IFT43: variants seen among roughly 807,000 people sequenced by gnomAD.
IFT43 encodes intraflagellar transport protein 43 homolog.
In IFT43, 33 loss-of-function variants were observed where a neutral mutation model predicts 32.3. That is an observed-to-expected ratio of 1.02 (90% CI 0.77 to 1.37). The LOEUF is 1.37. Among genes scored for constraint, IFT43 ranks in the 40% most tolerant of loss-of-function variants. IFT43 has a pLI of 0.00. For synonymous variants in IFT43, 93 were observed against 98.2 expected (o/e 0.95, Z 0.31); for missense variants, 274 against 265.9 (o/e 1.03, Z -0.21).
chr14:76,076,744 T>G, intron 5 of IFT43: 2 of 1,604,644 alleles, frequency 1.2e-6, no homozygotes, highest in Non-Finnish European at 1.7e-6. Flanking sequence ...TTCTGGGACT[T>G]TGCTAGGTAA....
intron 2 of IFT43, among the ~76,000 whole-genome samples, chr14:76,018,846 T>G (rs891083585): frequency 1.3e-5 from 2 of 152,078 alleles, no homozygotes; most frequent in African/African-American, 2.4e-5. Flanking sequence ...CTTCTCCTGC[T>G]TGCTTTGGGT....
chr14:76,009,006 G>A (rs1321045302), intron 2 of IFT43, among the ~76,000 whole-genome samples: 5 of 152,138 alleles, frequency 3.3e-5, no homozygotes, highest in Admixed American at 6.5e-5. Flanking sequence ...CCTTGAGCCC[G>A]GGAAATAAAT....
intron 2 of IFT43, among the ~76,000 whole-genome samples, chr14:75,991,152 C>A (rs1174900643): frequency 6.6e-6 from 1 of 152,044 alleles, no homozygotes; most frequent in African/African-American, 2.4e-5. Flanking sequence ...CCAGCCTGGG[C>A]AACCTTGTCT....
At position 76,083,496 on chromosome 14, in the gene IFT43, G is replaced by A. The variant is rs1187163196; in HGVS notation, c.546G>A (p.Glu182=). Residue 182 remains glutamate (E), a synonymous_variant, in exon 9 of 9, where the codon GAG becomes GAA. Transcript: ENST00000314067. The part of the protein sequence containing the change: ...VGWDWDHLFT[E]VSSEVLTEWD... ...GGGACTGGGACCATCTGTTCACTGA[G>A]GTGTCCTCAGAGGTCCTCACTGAGT... 6.2e-7 allele frequency: 1 copy of A among 1,614,044 alleles called. No homozygotes were observed. Among genetic ancestry groups the A allele is most frequent in the Non-Finnish European group, 8.5e-7 (1 of 1,180,024 alleles).
chr14:75,989,378 G>A (rs887182320), intron 2 of IFT43, among the ~76,000 whole-genome samples: 2 of 151,838 alleles, frequency 1.3e-5, no homozygotes, highest in African/African-American at 4.8e-5. Context: ...ACAGTCTTCC[G>A]GCAGGAAGCA....
chr14:76,049,693 C>T (rs1451800291), intron 3 of IFT43, among the ~76,000 whole-genome samples: 1 of 146,408 alleles, frequency 6.8e-6, no homozygotes, highest in Non-Finnish European at 1.5e-5. Flanking sequence ...TCCCCACCCC[C>T]AACCCCCTTC....
At chr14:76,076,685 G>A in intron 5 of IFT43, 1 of 1,614,174 alleles carries the variant, frequency 6.2e-7, no homozygotes. Flanking sequence ...TTCATTGGAA[G>A]AGGCAGGTAG....
At chr14:76,049,141 G>A (rs951364401) in intron 3 of IFT43, among the ~76,000 whole-genome samples, 6 of 152,230 alleles carry the variant, frequency 3.9e-5, no homozygotes, top group African/African-American at 9.6e-5. Flanking sequence ...GCACTGAGAA[G>A]TTTGTCCCTT....
chr14:76,046,623 C>T (rs183878153), intron 3 of IFT43, among the ~76,000 whole-genome samples: 1 of 152,314 alleles, frequency 6.6e-6, no homozygotes. Flanking sequence ...GTGGTAGCAA[C>T]AGCCACTGTT....
chr14:76,076,746 G>T (rs2037420320), intron 5 of IFT43: 2 of 1,602,460 alleles, frequency 1.2e-6, no homozygotes, highest in South Asian at 1.1e-5. Flanking sequence ...CTGGGACTTT[G>T]CTAGGTAATT....
At chr14:76,067,443 G>A (rs1190748293) in intron 5 of IFT43, among the ~76,000 whole-genome samples, 2 of 152,038 alleles carry the variant, frequency 1.3e-5, no homozygotes, top group Non-Finnish European at 2.9e-5. Context: ...GGTGGTGCAC[G>A]CCTGTAATCC....
intron 2 of IFT43, among the ~76,000 whole-genome samples, chr14:75,995,868 A>G (rs1403494043): frequency 6.6e-6 from 1 of 152,138 alleles, no homozygotes; most frequent in Admixed American, 6.5e-5. Context: ...CTTCATATTT[A>G]TGTCATGCTT....
intron 3 of IFT43, among the ~76,000 whole-genome samples, chr14:76,044,873 A>C (rs532733305): frequency 6.6e-6 from 1 of 152,230 alleles, no homozygotes; most frequent in South Asian, 2.1e-4. Context: ...CTCCTGATCC[A>C]TTTCCACTTA....
chr14:76,077,043 T>C (rs576913143), intron 5 of IFT43, among the ~76,000 whole-genome samples: 12 of 152,232 alleles, frequency 7.9e-5, no homozygotes, highest in Non-Finnish European at 1.5e-5. Flanking sequence ...TTTGTACTGC[T>C]GTTGCTGTGC....
At chr14:76,065,381 A>G (rs1372920260) in intron 5 of IFT43, among the ~76,000 whole-genome samples, 1 of 152,220 alleles carries the variant, frequency 6.6e-6, no homozygotes, top group Non-Finnish European at 1.5e-5. Flanking sequence ...AATAAACGAT[A>G]TCCTTATTAA....
chr14:76,045,162 C>T (rs1390655393), intron 3 of IFT43, among the ~76,000 whole-genome samples: 1 of 152,142 alleles, frequency 6.6e-6, no homozygotes, highest in African/African-American at 2.4e-5. Context: ...TTCTTAAGGG[C>T]TCACTCATCC....
chr14:75,998,850 G>A (rs1449188964), intron 2 of IFT43, among the ~76,000 whole-genome samples: 2 of 152,142 alleles, frequency 1.3e-5, no homozygotes, highest in African/African-American at 4.8e-5. Context: ...CCTCCCCCTC[G>A]GCCTGCCGAG....
chr14:76,036,408 C>CTTTTTTTTTTTTTTTT (rs3086747), intron 3 of IFT43, among the ~76,000 whole-genome samples: 1 of 119,750 alleles, frequency 8.4e-6, no homozygotes, highest in Non-Finnish European at 1.7e-5. Flanking sequence ...TTCTGTCTTT[C>CTTTTTTTTTTTTTTTT]TTTTTTTTTT....
At chr14:76,076,518 C>T (rs2140089888) in intron 5 of IFT43, 3 of 1,589,972 alleles carry the variant, frequency 1.9e-6, no homozygotes, top group Middle Eastern at 1.7e-4. Context: ...GATTTATACT[C>T]CAGGTGAAGA....
Sources: gnomAD v4.1 joint callset for allele counts (sites outside exome capture counted in the v4.1 genomes callset) on GRCh38, gnomAD v4.1.1 for gene constraint, MANE v1.5 for transcripts, NCBI Gene and HGNC (gene_info 2026-07-23, HGNC 2026-07-21) for gene names.